Variants in PIK3R3 observed in about 807,000 individuals in gnomAD.
PIK3R3 encodes the protein phosphatidylinositol 3-kinase regulatory subunit gamma.
In PIK3R3, 64 loss-of-function variants were observed where a neutral mutation model predicts 62.9. That is an observed-to-expected ratio of 1.02 (90% CI 0.83 to 1.25). The LOEUF (loss-of-function observed/expected upper bound fraction) is 1.25, where lower values mean the gene tolerates loss of function less well. PIK3R3 is among the 50% of genes most tolerant of loss of function. PIK3R3 has a pLI of 0.00. For missense variants in PIK3R3, 614 were observed against 561.6 expected (o/e 1.09, Z -0.94); for synonymous variants, 165 against 189.0 (o/e 0.87, Z 1.04).
At position 46,125,243 on chromosome 1, in the gene PIK3R3, A is replaced by G. The variant is rs1054158107; in HGVS notation, c.106+6604T>C. Among the ~76,000 whole-genome samples the G allele has an allele frequency of 3.3e-5, 5 of 152,356 alleles. No individual in the cohort carries two copies. In the South Asian group the frequency reaches 1.0e-3, roughly 32 times the overall value. On this transcript the variant is annotated intron_variant, in intron 1 of 9. Transcript: ENST00000262741. ...TTGGATACACTATACATTATAATAT[A>G]TTAAATGAAAGCAATGACTAATCTT...
the PIK3R3 span, among the ~76,000 whole-genome samples, chr1:46,138,523 G>A: frequency 8.1e-4 from 123 of 152,288 alleles, no homozygotes; most frequent in Non-Finnish European, 7.1e-4. Flanking sequence ...AGCTAGGTGT[G>A]GTGGTGTGCT....
At chr1:46,045,800 G>T in intron 9 of PIK3R3, 118 bp downstream of exon 9, 2 of 853,846 alleles carry the variant, frequency 2.3e-6, no homozygotes, top group Non-Finnish European at 3.8e-6. Context: ...GTTATGGTCC[G>T]AGCCATGGGT....
intron 7 of PIK3R3, among the ~76,000 whole-genome samples, chr1:46,051,191 T>C (rs785473): frequency 0.46 from 69,749 of 151,960 alleles, 16,157 homozygotes; most frequent in East Asian, 0.62. Context: ...CTGTATGCGA[T>C]GTAAACTGTA....
chr1:46,109,455 C>T (rs968081541), intron 1 of PIK3R3, among the ~76,000 whole-genome samples: 9 of 152,064 alleles, frequency 5.9e-5, no homozygotes, highest in East Asian at 1.9e-4. Context: ...AATCTCTACC[C>T]GGCTTACCAG....
intron 7 of PIK3R3, among the ~76,000 whole-genome samples, chr1:46,047,447 A>AG (rs1647145109): frequency 6.0e-5 from 8 of 133,988 alleles, no homozygotes; most frequent in South Asian, 2.4e-4. Flanking sequence ...CAAAAAAAAA[A>AG]AAAAGAAAGA....
At chr1:46,108,566 T>C (rs1490301378) in intron 1 of PIK3R3, among the ~76,000 whole-genome samples, 2 of 152,218 alleles carry the variant, frequency 1.3e-5, no homozygotes, top group Non-Finnish European at 2.9e-5. Context: ...CAATGGGTAC[T>C]CTAAATCTCA....
Position 46,062,068 on chromosome 1 carries a change from T to A in PIK3R3, c.625A>T (p.Ile209Leu). The change falls in exon 6 of 10, where the codon ATA becomes TTA. Residue 209 changes from isoleucine to leucine, a missense_variant. Coordinates refer to ENST00000262741, the MANE Select transcript of PIK3R3 (RefSeq NM_003629.4). ...TCTATTGCAGTCCTCTTCATCTGTATTTCCTACAGGAGAGAAAAAGAAAAA... is the reference window on the plus strand; with the variant it reads ...TCTATTGCAGTCCTCTTCATCTGTAATTCCTACAGGAGAGAAAAAGAAAAA... ...YEEYTRTSQE[I>L]QMKRTAIEAF... is the part of the protein sequence containing the mutation. 1 of 1,604,968 alleles carries A rather than the reference T, an allele frequency of 6.2e-7. No individual in the cohort carries two copies. The highest frequency in any genetic ancestry group is 8.5e-7 in the Non-Finnish European group (1 of 1,177,398).
At chr1:46,124,468 T>C (rs1654921375) in intron 1 of PIK3R3, among the ~76,000 whole-genome samples, 1 of 152,214 alleles carries the variant, frequency 6.6e-6, no homozygotes. Context: ...CATAAACACG[T>C]CCTATCTTTT....
chr1:46,165,843 C>T, the PIK3R3 span, among the ~76,000 whole-genome samples: 2 of 124,072 alleles, frequency 1.6e-5, no homozygotes, highest in Middle Eastern at 5.8e-3. Flanking sequence ...GCGATCTCGG[C>T]TCACTGTAAG....
the PIK3R3 span, among the ~76,000 whole-genome samples, chr1:46,152,872 CT>C: frequency 6.6e-6 from 1 of 152,220 alleles, no homozygotes; most frequent in East Asian, 1.9e-4. Flanking sequence ...TGATTAACAT[CT>C]TTAGCAAACT....
rs1004766007 is a variant in PIK3R3 at position 46,046,713 on chromosome 1, T to C, written c.942-88A>G. The C allele has an allele frequency of 4.9e-6, 4 of 824,324 alleles. No homozygotes were observed. The African/African-American group carries it at 5.2e-5, about 11-fold the overall frequency. 51.1% of individuals were successfully genotyped at this position (824,324 alleles called of 1,614,324 possible). A position where few individuals can be genotyped will look rare whatever the true frequency, so the allele number is the denominator to read the frequency against. ...GTCTGAGCCAACTAAACTTCTAGAGTCTAGACACCTCTTGTTTTTCCTAAT... is the reference window on the plus strand; with the variant it reads ...GTCTGAGCCAACTAAACTTCTAGAGCCTAGACACCTCTTGTTTTTCCTAAT... On this transcript the variant is annotated intron_variant, in intron 7 of 9. Transcript: ENST00000262741.
At chr1:46,087,868 T>C (rs1460983410) in intron 1 of PIK3R3, among the ~76,000 whole-genome samples, 2 of 152,124 alleles carry the variant, frequency 1.3e-5, no homozygotes, top group African/African-American at 4.8e-5. Context: ...AAAAGACAAG[T>C]ATTATGATTC....
the PIK3R3 span, among the ~76,000 whole-genome samples, chr1:46,173,298 C>G: frequency 6.6e-6 from 1 of 152,166 alleles, no homozygotes; most frequent in Non-Finnish European, 1.5e-5. Flanking sequence ...GACCTCCTCA[C>G]GATTTAATGA....
intron 7 of PIK3R3, among the ~76,000 whole-genome samples, chr1:46,051,981 T>A (rs1647393439): frequency 6.6e-6 from 1 of 151,608 alleles, no homozygotes; most frequent in East Asian, 1.9e-4. Context: ...ACTAAAAAAA[T>A]AAAAAAATTA....
At chr1:46,126,962 T>C (rs1416428545) in intron 1 of PIK3R3, among the ~76,000 whole-genome samples, 1 of 152,148 alleles carries the variant, frequency 6.6e-6, no homozygotes, top group East Asian at 1.9e-4. Context: ...ACCACTTTTC[T>C]AGACTTTCCT....
intron 1 of PIK3R3, among the ~76,000 whole-genome samples, chr1:46,127,784 C>T (rs557660757): frequency 3.3e-4 from 50 of 152,212 alleles, no homozygotes; most frequent in Middle Eastern, 6.8e-3. Context: ...TGGTCTAGAC[C>T]TCCTGGCCTC....
intron 1 of PIK3R3, among the ~76,000 whole-genome samples, chr1:46,084,767 T>C (rs1479830261): frequency 6.6e-6 from 1 of 152,122 alleles, no homozygotes; most frequent in African/African-American, 2.4e-5. Context: ...CTCATCAGAA[T>C]GGGGTAAAAA....
intron 7 of PIK3R3, among the ~76,000 whole-genome samples, chr1:46,054,966 G>A (rs1300972864): frequency 6.6e-6 from 1 of 151,868 alleles, no homozygotes; most frequent in Admixed American, 6.6e-5. Flanking sequence ...GCAGTGGCAC[G>A]ATCTCGGCTC....
intron 1 of PIK3R3, among the ~76,000 whole-genome samples, chr1:46,116,373 C>A (rs549262365): frequency 6.6e-6 from 1 of 152,124 alleles, no homozygotes; most frequent in South Asian, 2.1e-4. Context: ...AAAAAATTAG[C>A]CAGGCATGGT....
Sources: gnomAD v4.1 joint callset for allele counts (sites outside exome capture counted in the v4.1 genomes callset) on GRCh38, gnomAD v4.1.1 for gene constraint, MANE v1.5 for transcripts, NCBI Gene and HGNC (gene_info 2026-07-23, HGNC 2026-07-21) for gene names.